Variants in PARD3B observed in about 807,000 individuals in gnomAD.
The protein encoded by PARD3B is par-3 family cell polarity regulator beta.
A neutral mutation model predicts 130.2 loss-of-function variants in PARD3B; 103 were observed. The ratio of observed to expected loss-of-function variants is 0.79; its 90% CI spans 0.67 to 0.93. PARD3B has a LOEUF of 0.93. Ranked by LOEUF, PARD3B falls within the 40% of genes least tolerant of loss-of-function variation. The probability of loss-of-function intolerance (pLI) is 0.00; values close to 1 mark genes in which losing one functional copy is unlikely to be tolerated. For missense variants in PARD3B, 1,609 were observed against 1,499.2 expected, an observed-to-expected ratio of 1.07 and a Z score of -1.21; for synonymous variants, 583 against 553.2, an observed-to-expected ratio of 1.05 and a Z score of -0.76.
rs138718364 is a variant in PARD3B, at chr2:205,184,762, A to G, written c.1925-1002A>G. On this transcript the variant is annotated intron_variant, in intron 13 of 22. Coordinates refer to ENST00000406610, the MANE Select transcript of PARD3B (RefSeq NM_001302769.2). ...ATCTCAAAAATAATAATAATAATAA[A>G]TATATACACACACACACACATATAT... Among the ~76,000 whole-genome samples the G allele has an allele frequency of 7.7e-3, 1,158 of 149,750 alleles. 15 individuals carry two copies. Among genetic ancestry groups the G allele is most frequent in the African/African-American group, 0.027 (1,087 of 40,836 alleles).
At chr2:205,516,482 T>G (rs1371045647) in intron 21 of PARD3B, among the ~76,000 whole-genome samples, 1 of 152,234 alleles carries the variant, frequency 6.6e-6, no homozygotes, top group Non-Finnish European at 1.5e-5. Flanking sequence ...GTAGAGATCT[T>G]TCACCTCCCT....
chr2:204,555,575 A>G (rs776477301), intron 1 of PARD3B, among the ~76,000 whole-genome samples: 18 of 152,084 alleles, frequency 1.2e-4, no homozygotes, highest in Non-Finnish European at 2.4e-4. Context: ...ATTTATATCC[A>G]TGAGTATGAG....
At position 205,397,467 on chromosome 2, in the gene PARD3B, A is replaced by G. The variant is rs2105999182; in HGVS notation, c.2631-3546A>G. Among the ~76,000 whole-genome samples, 1 of 152,346 alleles carries G rather than the reference A, an allele frequency of 6.6e-6. No individual in the cohort carries two copies. Among genetic ancestry groups the G allele is most frequent in the Admixed American group, 6.5e-5 (1 of 15,296 alleles). On this transcript the variant is annotated intron_variant, in intron 18 of 22. Coordinates refer to ENST00000406610, the MANE Select transcript of PARD3B (RefSeq NM_001302769.2). The surrounding 1 kb of genome is among the most constrained non-coding windows in gnomAD (Gnocchi z 4.8). ...ACATATTCCACTGTGAGGGAAGGAT[A>G]ATGAGCTATTGCTGAACTGCAGTAC...
At chr2:205,439,851 G>T (rs2047649490) in intron 19 of PARD3B, among the ~76,000 whole-genome samples, 1 of 152,112 alleles carries the variant, frequency 6.6e-6, no homozygotes, top group Admixed American at 6.6e-5. Flanking sequence ...ACTGCTTTTA[G>T]TGACCAGAAA....
chr2:205,418,092 T>G (rs768013082), intron 19 of PARD3B, among the ~76,000 whole-genome samples: 3 of 152,208 alleles, frequency 2.0e-5, no homozygotes, highest in Non-Finnish European at 4.4e-5. Flanking sequence ...ATTTCAGGCC[T>G]AAAAGCTTAT....
intron 2 of PARD3B, among the ~76,000 whole-genome samples, chr2:204,746,921 G>A (rs977471608): frequency 2.6e-5 from 4 of 152,160 alleles, no homozygotes; most frequent in South Asian, 2.1e-4. Flanking sequence ...CTCTCATTCT[G>A]TAGGTTGCCT....
In PARD3B at chr2:205,473,680, G is replaced by GTGTGTGTGTGTGTGTA. The variant is rs2048920450; in HGVS notation, c.3045-26215_3045-26214insGTGTGTGTGTGTGTAT. Among the ~76,000 whole-genome samples, 1 of 86,044 alleles carries GTGTGTGTGTGTGTGTA rather than the reference G, an allele frequency of 1.2e-5. No homozygotes were observed. The highest frequency in any genetic ancestry group is 2.1e-5 in the Non-Finnish European group (1 of 47,788). 56.4% of individuals were successfully genotyped at this position (86,044 alleles called of 152,430 possible). ...TGTGTGTGTGTGTGTGTGTGTGTGT[G>GTGTGTGTGTGTGTGTA]TATGTATATATATATATATATATAT... On this transcript the variant is annotated intron_variant, in intron 20 of 22. Coordinates refer to ENST00000406610, the MANE Select transcript of PARD3B (RefSeq NM_001302769.2). This position sits in a 1 kb window ranked among gnomAD's most constrained non-coding sequence, Gnocchi z 4.9.
At chr2:205,465,830 A>C (rs2048602021) in intron 20 of PARD3B, among the ~76,000 whole-genome samples, 1 of 152,168 alleles carries the variant, frequency 6.6e-6, no homozygotes, top group Admixed American at 6.5e-5. Context: ...GTGATGTCCA[A>C]TAATTGCAGC....
chr2:205,335,156 TG>T (rs2043265691), intron 18 of PARD3B, among the ~76,000 whole-genome samples: 1 of 152,198 alleles, frequency 6.6e-6, no homozygotes, highest in South Asian at 2.1e-4. Context: ...GTCCCTCTCA[TG>T]GAATTTATAA....
chr2:205,582,807 T>C (rs13390558), intron 22 of PARD3B, among the ~76,000 whole-genome samples: 27,538 of 151,808 alleles, frequency 0.18, 2,676 homozygotes, highest in East Asian at 0.32. Flanking sequence ...GGAAGTGGCC[T>C]GCTCAATTCC....
At chr2:204,712,507 G>A (rs1018765227) in intron 2 of PARD3B, among the ~76,000 whole-genome samples, 14 of 151,438 alleles carry the variant, frequency 9.2e-5, no homozygotes, top group South Asian at 4.2e-4. Context: ...CCAGCTACTC[G>A]GGTAGCTGAG....
At chr2:205,588,275 T>C (rs1001292966) in intron 22 of PARD3B, among the ~76,000 whole-genome samples, 1 of 152,210 alleles carries the variant, frequency 6.6e-6, no homozygotes, top group Non-Finnish European at 1.5e-5. Context: ...AGATTTCCTC[T>C]AACATAAATG....
intron 1 of PARD3B, among the ~76,000 whole-genome samples, chr2:204,625,406 T>C (rs903566412): frequency 1.3e-5 from 2 of 152,142 alleles, no homozygotes; most frequent in Admixed American, 1.3e-4. Context: ...GAGAGGGCCA[T>C]CCACCATTCA....
At chr2:204,655,938 G>T (rs893545736) in intron 1 of PARD3B, among the ~76,000 whole-genome samples, 1 of 152,074 alleles carries the variant, frequency 6.6e-6, no homozygotes, top group Non-Finnish European at 1.5e-5. Flanking sequence ...GGGTGAGAAG[G>T]TTGTAGGCTG....
At chr2:205,009,879 T>A (rs879674817) in intron 3 of PARD3B, among the ~76,000 whole-genome samples, 1 of 152,166 alleles carries the variant, frequency 6.6e-6, no homozygotes, top group Non-Finnish European at 1.5e-5. Flanking sequence ...TGAATGTTGA[T>A]CCTTAAGTTC....
At chr2:205,192,125 G>T (rs2036431282) in intron 14 of PARD3B, among the ~76,000 whole-genome samples, 1 of 152,168 alleles carries the variant, frequency 6.6e-6, no homozygotes, top group South Asian at 2.1e-4. Flanking sequence ...TTGCTTGAAA[G>T]CAGTATTGAA....
At chr2:205,313,230 G>A (rs1330623222) in intron 18 of PARD3B, among the ~76,000 whole-genome samples, 1 of 152,190 alleles carries the variant, frequency 6.6e-6, no homozygotes, top group Non-Finnish European at 1.5e-5. Context: ...AGGACCCAGA[G>A]ACAGATGGGC....
At chr2:204,691,557 T>A (rs549052105) in intron 2 of PARD3B, among the ~76,000 whole-genome samples, 3 of 152,222 alleles carry the variant, frequency 2.0e-5, no homozygotes, top group African/African-American at 7.2e-5. Flanking sequence ...CTGGTCTTGG[T>A]TTCCCCATTT....
chr2:205,363,613 G>A (rs6751914), intron 18 of PARD3B, among the ~76,000 whole-genome samples: 30,041 of 151,962 alleles, frequency 0.2, 3,851 homozygotes, highest in African/African-American at 0.37. Flanking sequence ...GAGAAAAACC[G>A]AGGAGTAACA....
Sources: allele counts gnomAD v4.1 joint callset (sites outside exome capture counted in the v4.1 genomes callset), GRCh38; gene constraint gnomAD v4.1.1; non-coding constraint Gnocchi (gnomAD v3.1); transcripts MANE v1.5; gene names NCBI Gene and HGNC (gene_info 2026-07-23, HGNC 2026-07-21).